CNTNAP2: variants seen among roughly 807,000 people sequenced by gnomAD.
The protein encoded by CNTNAP2 is contactin associated protein 2, also known as contactin-associated protein-like 2.
CNTNAP2 carries 98 observed loss-of-function variants against 155.2 expected under a neutral mutation model. The ratio of observed to expected loss-of-function variants is 0.63; its 90% CI spans 0.54 to 0.75. The LOEUF (loss-of-function observed/expected upper bound fraction) is 0.75, where lower values mean the gene tolerates loss of function less well. CNTNAP2 is among the 30% of genes least tolerant of loss of function. The probability of loss-of-function intolerance (pLI) is 0.00; values close to 1 mark genes in which losing one functional copy is unlikely to be tolerated. For synonymous variants in CNTNAP2, 651 were observed against 631.2 expected (o/e 1.03, Z -0.47); for missense variants, 1,727 against 1,688.1 (o/e 1.02, Z -0.40).
At chr7:146,799,782 C>T (rs1380935260) in intron 2 of CNTNAP2, among the ~76,000 whole-genome samples, 1 of 152,114 alleles carries the variant, frequency 6.6e-6, no homozygotes, top group African/African-American at 2.4e-5. Flanking sequence ...GTGCAAATTA[C>T]CTACATTTCT....
intron 13 of CNTNAP2, among the ~76,000 whole-genome samples, chr7:147,652,193 G>T (rs1454715759): frequency 1.3e-5 from 2 of 152,122 alleles, no homozygotes; most frequent in African/African-American, 4.8e-5. Context: ...ATTACCTATT[G>T]TTTGCTTACA....
chr7:147,994,010 A>G (rs2710075), intron 15 of CNTNAP2, among the ~76,000 whole-genome samples: 97,773 of 151,982 alleles, frequency 0.64, 33,799 homozygotes, highest in African/African-American at 0.89. Context: ...TTTCTGGCAC[A>G]ATTACACATA....
intron 1 of CNTNAP2, among the ~76,000 whole-genome samples, chr7:146,686,945 A>G (rs1800611101): frequency 6.6e-6 from 1 of 152,138 alleles, no homozygotes; most frequent in African/African-American, 2.4e-5. Flanking sequence ...ATACTGCAAA[A>G]ATGAAGCACT....
At chr7:146,839,627 A>T in intron 2 of CNTNAP2, 84 bp from the exon 3 acceptor site, 1 of 1,444,654 alleles carries the variant, frequency 6.9e-7, no homozygotes, top group Non-Finnish European at 9.7e-7. Flanking sequence ...AAGACCAATT[A>T]AGATATGTAG....
At position 147,060,698 on chromosome 7, in the gene CNTNAP2, TA is replaced by T. The variant is rs1421183669; in HGVS notation, c.550+16650del. Among the ~76,000 whole-genome samples the T allele has an allele frequency of 4.6e-5, 7 of 151,842 alleles. 1 individual carries two copies. The highest frequency in any genetic ancestry group is 3.2e-3 in the Middle Eastern group (1 of 316). On this transcript the variant is annotated intron_variant, in intron 4 of 23. Coordinates refer to ENST00000361727, the MANE Select transcript of CNTNAP2 (RefSeq NM_014141.6). ...TAACACGGTGAAACCCCGTCTCTAC[TA>T]AAAAATACAAAAAAATTAGCCAGGC...
chr7:146,451,847 C>CGTGTATATATACAT lies in CNTNAP2; in HGVS notation c.98-322424_98-322423insGTGTATATATACAT, dbSNP rs1258913949. Among the ~76,000 whole-genome samples the CGTGTATATATACAT allele has an allele frequency of 2.1e-4, 18 of 83,748 alleles. 1 individual carries two copies. The highest frequency in any genetic ancestry group is 6.6e-4 in the African/African-American group (18 of 27,304). The allele number at this position is 83,748 out of a possible 152,430, so 54.9% of individuals were successfully genotyped here. Reference sequence around the variant, plus strand: ...ACGTATATATATACATATATATATACACGTATTCTATATATATATATACGT... The same window carrying CGTGTATATATACAT: ...ACGTATATATATACATATATATATACGTGTATATATACATACGTATTCTATATATATATATACGT... On this transcript the variant is annotated intron_variant, in intron 1 of 23. Coordinates refer to ENST00000361727, the MANE Select transcript of CNTNAP2 (RefSeq NM_014141.6).
At chr7:148,130,991 C>G (rs2116627903) in intron 16 of CNTNAP2, among the ~76,000 whole-genome samples, 1 of 151,880 alleles carries the variant, frequency 6.6e-6, no homozygotes, top group South Asian at 2.1e-4. Flanking sequence ...ATCATTACTC[C>G]AAAGACATAC....
At chr7:146,119,418 T>C (rs1797531663) in intron 1 of CNTNAP2, among the ~76,000 whole-genome samples, 1 of 152,122 alleles carries the variant, frequency 6.6e-6, no homozygotes, top group Non-Finnish European at 1.5e-5. Flanking sequence ...ACAAGCAGAC[T>C]AGAATAAACT....
rs1428580369 is a variant in CNTNAP2, at chr7:146,329,048, C to T, written c.97+212075C>T. Among the ~76,000 whole-genome samples, 5 of 152,204 alleles carry T rather than the reference C, an allele frequency of 3.3e-5. No homozygotes were observed. In the East Asian group the frequency reaches 9.7e-4, roughly 29 times the overall value. ...ATTTTATTTCTTTTGACCATATACC[C>T]AGAAGTAGGATTGCTAGACCATATG... On this transcript the variant is annotated intron_variant, in intron 1 of 23. Transcript: ENST00000361727.
At chr7:146,158,628 G>A (rs185453327) in intron 1 of CNTNAP2, among the ~76,000 whole-genome samples, 45 of 152,260 alleles carry the variant, frequency 3.0e-4, no homozygotes, top group African/African-American at 1.0e-3. Flanking sequence ...CAATCAAGTG[G>A]AAGAAAGGGT....
chr7:146,122,213 A>C (rs558171724), intron 1 of CNTNAP2, among the ~76,000 whole-genome samples: 1 of 152,360 alleles, frequency 6.6e-6, no homozygotes, highest in Admixed American at 6.5e-5. Flanking sequence ...GGCTGCCTGC[A>C]GAAAGAATAG....
chr7:148,323,920 C>T (rs1281468509), intron 21 of CNTNAP2, among the ~76,000 whole-genome samples: 1 of 128,828 alleles, frequency 7.8e-6, no homozygotes, highest in Non-Finnish European at 1.6e-5. Context: ...GAGTTTCACT[C>T]TTGCCCAGGC....
At chr7:147,773,254 C>G (rs1322155312) in intron 13 of CNTNAP2, among the ~76,000 whole-genome samples, 1 of 152,134 alleles carries the variant, frequency 6.6e-6, no homozygotes, top group Non-Finnish European at 1.5e-5. Flanking sequence ...GTGCAGAGGT[C>G]TCTTTATGAC....
chr7:147,816,880 G>A (rs1798274029), intron 13 of CNTNAP2, among the ~76,000 whole-genome samples: 1 of 151,964 alleles, frequency 6.6e-6, no homozygotes, highest in Non-Finnish European at 1.5e-5. Context: ...GACAATAGAG[G>A]GACTAGGTTT....
intron 2 of CNTNAP2, among the ~76,000 whole-genome samples, chr7:146,823,217 G>GTAAATATACTCATTCTTC: frequency 7.5e-6 from 1 of 132,888 alleles, no homozygotes; most frequent in African/African-American, 2.9e-5. Flanking sequence ...ATTTAAATAT[G>GTAAATATACTCATTCTTC]AGTATACTCA....
At chr7:148,037,338 A>G (rs1802589385) in intron 15 of CNTNAP2, among the ~76,000 whole-genome samples, 1 of 152,230 alleles carries the variant, frequency 6.6e-6, no homozygotes, top group South Asian at 2.1e-4. Context: ...CTGACTTAAT[A>G]TAATGGAAGG....
At chr7:147,053,497 T>C (rs984059064) in intron 4 of CNTNAP2, among the ~76,000 whole-genome samples, 1 of 152,124 alleles carries the variant, frequency 6.6e-6, no homozygotes, top group Non-Finnish European at 1.5e-5. Context: ...GTCACTGATA[T>C]AGAGCTAGAG....
intron 1 of CNTNAP2, among the ~76,000 whole-genome samples, chr7:146,331,253 G>A (rs1194515568): frequency 1.4e-5 from 2 of 148,072 alleles, no homozygotes; most frequent in African/African-American, 5.0e-5. Context: ...GCAGTGAGCC[G>A]AGATCGCGCC....
chr7:148,092,466 G>A (rs1563196726), intron 15 of CNTNAP2, among the ~76,000 whole-genome samples: 1 of 152,152 alleles, frequency 6.6e-6, no homozygotes, highest in Non-Finnish European at 1.5e-5. Flanking sequence ...GGAAGCAGGT[G>A]CCCCATTGGG....
Sources: allele counts gnomAD v4.1 joint callset (sites outside exome capture counted in the v4.1 genomes callset), GRCh38; gene constraint gnomAD v4.1.1; transcripts MANE v1.5; gene names NCBI Gene and HGNC (gene_info 2026-07-23, HGNC 2026-07-21).